Variants in FHOD3 observed in about 807,000 individuals in gnomAD.
FHOD3 encodes FH1/FH2 domain-containing protein 3.
In FHOD3, 90 loss-of-function variants were observed where a neutral mutation model predicts 173.0. That is an observed-to-expected ratio of 0.52 (90% CI 0.44 to 0.62). The LOEUF (loss-of-function observed/expected upper bound fraction) is 0.62, where lower values mean the gene tolerates loss of function less well. Ranked by LOEUF, FHOD3 falls within the 20% of genes least tolerant of loss-of-function variation. The pLI, the probability that FHOD3 is intolerant of heterozygous loss-of-function variation, is 0.00. For synonymous variants in FHOD3, 828 were observed against 823.0 expected (o/e 1.01, Z -0.10); for missense variants, 1,945 against 2,034.7 (o/e 0.96, Z 0.85).
chr18:36,658,904 T>C (rs2036597595), intron 14 of FHOD3, among the ~76,000 whole-genome samples: 1 of 152,182 alleles, frequency 6.6e-6, no homozygotes, highest in African/African-American at 2.4e-5. Flanking sequence ...AGAGGGTGAT[T>C]TTGATGAGCA....
intron 4 of FHOD3, among the ~76,000 whole-genome samples, chr18:36,510,157 A>G (rs2055554963): frequency 6.6e-6 from 1 of 152,206 alleles, no homozygotes; most frequent in African/African-American, 2.4e-5. Context: ...TGGGTTGAAT[A>G]TTCCTTGACC....
At chr18:36,770,481 T>C (rs1349396018) in intron 28 of FHOD3, among the ~76,000 whole-genome samples, 1 of 152,142 alleles carries the variant, frequency 6.6e-6, no homozygotes, top group Non-Finnish European at 1.5e-5. Flanking sequence ...TAACCCACAT[T>C]CCTGTGGTCC....
At chr18:36,323,499 A>G (rs2044509894) in intron 1 of FHOD3, among the ~76,000 whole-genome samples, 2 of 152,046 alleles carry the variant, frequency 1.3e-5, no homozygotes, top group African/African-American at 4.8e-5. Context: ...ACCCCTTCCC[A>G]TATTCCCAGG....
chr18:36,746,950 C>G lies in FHOD3; in HGVS notation c.4047C>G (p.Asp1349Glu). 6.2e-7 allele frequency: 1 copy of G among 1,606,428 alleles called. No individual in the cohort carries two copies. The highest frequency in any genetic ancestry group is 1.7e-4 in the Middle Eastern group (1 of 6,036). Residue 1349 changes from aspartate to glutamate, a missense_variant, in exon 24 of 29, where the codon GAC (aspartate) becomes GAG (glutamate). Asp to Glu is a conservative substitution (Grantham distance 45). This residue lies in a region of FHOD3 where 354 missense variants were observed against 359.9 expected (regional missense o/e 0.98). Coordinates refer to ENST00000590592, the MANE Select transcript of FHOD3 (RefSeq NM_001281740.3). ...IGAITRSAKV[D>E]FDQLQDNLCQ... The stretch of plus-strand genomic sequence containing the variant: ...GTTCTCGCTCTGATTTTCAGGTTGA[C>G]TTTGATCAACTTCAGGATAATTTAT...
At chr18:36,381,102 C>T (rs939249849) in intron 3 of FHOD3, among the ~76,000 whole-genome samples, 8 of 152,282 alleles carry the variant, frequency 5.3e-5, no homozygotes, top group South Asian at 2.1e-4. Flanking sequence ...TTGCCGAGAC[C>T]GAGGCAGCCC....
intron 27 of FHOD3, among the ~76,000 whole-genome samples, chr18:36,764,133 C>G (rs528347837): frequency 3.9e-5 from 6 of 152,072 alleles, no homozygotes; most frequent in Non-Finnish European, 8.8e-5. Context: ...TCTTCTTGAC[C>G]AGTGCTGTCT....
intron 1 of FHOD3, among the ~76,000 whole-genome samples, chr18:36,327,742 A>G (rs759331199): frequency 4.6e-5 from 7 of 152,170 alleles, no homozygotes; most frequent in Non-Finnish European, 1.0e-4. Context: ...AGTTTGAAAA[A>G]TACTTCTTTG....
chr18:36,392,850 C>T (rs1380945726), intron 3 of FHOD3, among the ~76,000 whole-genome samples: 1 of 152,216 alleles, frequency 6.6e-6, no homozygotes, highest in African/African-American at 2.4e-5. Context: ...TGCTGACACA[C>T]AGCCTTCTGG....
chr18:36,718,306 A>C lies in FHOD3; in HGVS notation c.3008A>C (p.Glu1003Ala). 6.2e-7 allele frequency: 1 copy of C among 1,614,060 alleles called. No individual in the cohort carries two copies. Among genetic ancestry groups the C allele is most frequent in the Admixed American group, 1.7e-5 (1 of 60,012 alleles). Residue 1003 changes from glutamate to alanine, a missense_variant, in exon 19 of 29, where the codon GAG becomes GCG. Glu to Ala is a moderately radical substitution (Grantham distance 107). This residue lies in a region of FHOD3 where 1,099 missense variants were observed against 1,051.2 expected (regional missense o/e 1.05). Transcript: ENST00000590592. The stretch of plus-strand genomic sequence containing the variant: ...ATGGATTTCACTGACCTGGGGGAGG[A>C]GGATGACATTGATGTCCTAGATGTG... ...QDMDFTDLGE[E>A]DDIDVLDVDL...
intron 2 of FHOD3, among the ~76,000 whole-genome samples, chr18:36,364,613 C>T (rs1024115277): frequency 2.0e-5 from 3 of 152,140 alleles, no homozygotes; most frequent in Non-Finnish European, 2.9e-5. Flanking sequence ...TCCAGAAGCT[C>T]CACCAGTGAC....
At position 36,709,352 on chromosome 18, in the gene FHOD3, G is replaced by C. The variant is rs1451852171; in HGVS notation, c.2494G>C (p.Glu832Gln). 6.2e-7 allele frequency: 1 copy of C among 1,614,200 alleles called. No homozygotes were observed. The highest frequency in any genetic ancestry group is 1.1e-5 in the South Asian group (1 of 91,076). The change falls in exon 18 of 29, where the codon GAG becomes CAG. Residue 832 changes from glutamate (E) to glutamine (Q), a missense_variant. Glu to Gln is a conservative substitution (Grantham distance 29). This residue lies in a region of FHOD3 where 1,099 missense variants were observed against 1,051.2 expected (regional missense o/e 1.05). Transcript: ENST00000590592. Reference sequence around the variant, plus strand: ...GTCCTCCAGCAGCACGTTGGAGAGGGAGGAGAAGGAGGACAAGCTCTCCAG... The same window carrying C: ...GTCCTCCAGCAGCACGTTGGAGAGGCAGGAGAAGGAGGACAAGCTCTCCAG... ...VSSSSSTLEREEKEDKLSRDR... is the reference protein window; with the variant it reads ...VSSSSSTLERQEKEDKLSRDR...
intron 10 of FHOD3, among the ~76,000 whole-genome samples, chr18:36,633,490 A>G (rs2644257): frequency 0.24 from 35,962 of 152,158 alleles, 4,491 homozygotes; most frequent in Middle Eastern, 0.32. Context: ...TGTACTGGCT[A>G]TTGGACTAAA....
intron 15 of FHOD3, among the ~76,000 whole-genome samples, chr18:36,684,673 C>T (rs1202482211): frequency 1.3e-5 from 2 of 152,114 alleles, no homozygotes; most frequent in Non-Finnish European, 2.9e-5. Context: ...AAACTAAACA[C>T]AACAAACAAA....
At chr18:36,617,975 TATGA>T (rs974260011) in intron 9 of FHOD3, among the ~76,000 whole-genome samples, 1 of 152,174 alleles carries the variant, frequency 6.6e-6, no homozygotes, top group Non-Finnish European at 1.5e-5. Flanking sequence ...ATTAGTCTGT[TATGA>T]ATATTTTAAA....
intron 5 of FHOD3, among the ~76,000 whole-genome samples, chr18:36,524,363 G>C (rs2056416621): frequency 6.6e-6 from 1 of 152,074 alleles, no homozygotes; most frequent in African/African-American, 2.4e-5. Context: ...AGGATTGGCA[G>C]GGCTAGTGTT....
chr18:36,576,759 G>A (rs2058669587), intron 6 of FHOD3, among the ~76,000 whole-genome samples: 2 of 149,402 alleles, frequency 1.3e-5, no homozygotes, highest in Non-Finnish European at 2.9e-5. Flanking sequence ...CTTCTCTTAA[G>A]CTTTAATCAA....
At chr18:36,527,556 A>G (rs905407869) in intron 5 of FHOD3, among the ~76,000 whole-genome samples, 1 of 152,170 alleles carries the variant, frequency 6.6e-6, no homozygotes, top group African/African-American at 2.4e-5. Flanking sequence ...TGTGGGTGAC[A>G]GCAGGTGTGG....
In FHOD3 at chr18:36,445,500, C is replaced by G. The variant is rs544797842; in HGVS notation, c.338-56432C>G. Among the ~76,000 whole-genome samples, 76 of 151,984 alleles carry G rather than the reference C, an allele frequency of 5.0e-4. 1 individual carries two copies. Among genetic ancestry groups the G allele is most frequent in the Non-Finnish European group, 8.8e-4 (60 of 68,016 alleles). ...TACTTTTCATGGTGTTTGGCGGGGT[C>G]GATGTGGTTGGACTGAGGAGTAAAC... On this transcript the variant is annotated intron_variant, in intron 3 of 28. Transcript: ENST00000590592.
intron 10 of FHOD3, among the ~76,000 whole-genome samples, chr18:36,638,645 G>T (rs905672493): frequency 2.0e-5 from 3 of 152,174 alleles, no homozygotes; most frequent in African/African-American, 7.2e-5. Context: ...AATAACCCAT[G>T]TTCAGGTTCT....
Sources: allele counts gnomAD v4.1 joint callset (sites outside exome capture counted in the v4.1 genomes callset), GRCh38; gene constraint gnomAD v4.1.1; regional missense constraint gnomAD v4.1.1; transcripts MANE v1.5; gene names NCBI Gene and HGNC (gene_info 2026-07-23, HGNC 2026-07-21).